The following FAM91A1 variants were observed in gnomAD, a reference collection of about 807,000 sequenced individuals.
The protein encoded by FAM91A1 is protein FAM91A1.
In FAM91A1, 41 loss-of-function variants were observed where a neutral mutation model predicts 113.5. The observed-to-expected ratio is 0.36, with a 90% CI of 0.28 to 0.47. The LOEUF (loss-of-function observed/expected upper bound fraction) is 0.47, where lower values mean the gene tolerates loss of function less well. Ranked by LOEUF, FAM91A1 falls within the 20% of genes least tolerant of loss-of-function variation. The pLI, the probability that FAM91A1 is intolerant of heterozygous loss-of-function variation, is 1.00. For missense variants in FAM91A1, 696 were observed against 1,001.2 expected (o/e 0.70, Z 4.11); for synonymous variants, 307 against 347.9 (o/e 0.88, Z 1.31).
chr8:123,774,344 C>G (rs778957590), intron 2 of FAM91A1, among the ~76,000 whole-genome samples, 180 bp downstream of exon 2: 7 of 152,068 alleles, frequency 4.6e-5, no homozygotes, highest in Non-Finnish European at 8.8e-5. Flanking sequence ...ATTTTTCATT[C>G]TAATTCTGAT....
chr8:123,780,131 C>G, intron 7 of FAM91A1, 56 bp downstream of exon 7: 1 of 1,422,866 alleles, frequency 7.0e-7, no homozygotes, highest in Non-Finnish European at 9.8e-7. Context: ...TTTAAACCAT[C>G]AATAATTACT....
intron 1 of FAM91A1, among the ~76,000 whole-genome samples, chr8:123,771,124 G>T (rs2130030220): frequency 6.6e-6 from 1 of 152,322 alleles, no homozygotes; most frequent in African/African-American, 2.4e-5. Flanking sequence ...CTGCTCCTGG[G>T]AGGTTTCCCT....
chr8:123,769,831 G>A (rs963964906), intron 1 of FAM91A1, among the ~76,000 whole-genome samples: 1 of 152,204 alleles, frequency 6.6e-6, no homozygotes, highest in East Asian at 1.9e-4. Context: ...ATTGACCTTC[G>A]CTTCCTCCCA....
intron 20 of FAM91A1, 75 bp from the exon 21 acceptor site, chr8:123,808,197 A>G (rs1815858113): frequency 6.1e-6 from 7 of 1,141,586 alleles, no homozygotes; most frequent in African/African-American, 4.7e-5. Context: ...AGTCTTTTCC[A>G]TGTTAGGACT....
At chr8:123,776,528 G>A (rs1253085963) in intron 3 of FAM91A1, among the ~76,000 whole-genome samples, 2 of 152,204 alleles carry the variant, frequency 1.3e-5, no homozygotes, top group Non-Finnish European at 2.9e-5. Flanking sequence ...AACCAGGGTA[G>A]CATAATGAAG....
chr8:123,803,253 G>A (rs1434250612), intron 18 of FAM91A1, among the ~76,000 whole-genome samples: 2 of 146,396 alleles, frequency 1.4e-5, no homozygotes, highest in Non-Finnish European at 3.0e-5. Flanking sequence ...TTTTTTTTTG[G>A]ATGGGGGCTA....
Position 123,805,309 on chromosome 8 carries a change from T to C in FAM91A1, c.1852T>C (p.Phe618Leu), listed in dbSNP as rs778814659. Residue 618 changes from phenylalanine to leucine, a missense_variant, in exon 19 of 24, where the codon TTT becomes CTT. By Grantham distance (22) the Phe-to-Leu change is conservative. Coordinates refer to ENST00000334705, the MANE Select transcript of FAM91A1 (RefSeq NM_144963.4). ...HGIGETVHVP[F>L]PFDETELQGE... ...GATAGGAGAAACTGTCCATGTCCCA[T>C]TTCCATTTGATGAAACAGAACTACA... 3 of 1,612,906 alleles carry C rather than the reference T, an allele frequency of 1.9e-6. No homozygotes were observed. The African/African-American group carries it at 4.0e-5, about 22-fold the overall frequency.
chr8:123,784,617 T>A lies in FAM91A1; in HGVS notation c.810+41T>A, dbSNP rs186286904. ...TCTCATGAAAATATAATCTCAAGAT[T>A]GTAAGTTTGTGTAAAGTAAGTAAAG... On this transcript the variant is annotated intron_variant, in intron 9 of 23. Coordinates refer to ENST00000334705, the MANE Select transcript of FAM91A1 (RefSeq NM_144963.4). 3.5e-6 allele frequency: 5 copies of A among 1,415,756 alleles called. No individual in the cohort carries two copies. The East Asian group carries it at 9.4e-5, about 27-fold the overall frequency. 87.7% of individuals were successfully genotyped at this position (1,415,756 alleles called of 1,614,324 possible).
intron 14 of FAM91A1, chr8:123,788,114 G>A: frequency 1.2e-6 from 1 of 853,906 alleles, no homozygotes. Context: ...TAAGCAGTTT[G>A]ATTTGAAGTT....
At chr8:123,801,170 A>T (rs1815670033) in intron 18 of FAM91A1, among the ~76,000 whole-genome samples, 1 of 152,158 alleles carries the variant, frequency 6.6e-6, no homozygotes, top group African/African-American at 2.4e-5. Context: ...TGGCTTTTTG[A>T]TGATAACCAC....
chr8:123,788,085 ACT>A, intron 14 of FAM91A1: 3 of 660,438 alleles, frequency 4.5e-6, no homozygotes, highest in Non-Finnish European at 5.6e-6. Context: ...TTCTGGTATG[ACT>A]CTCTAAGATC....
Position 123,777,367 on chromosome 8 carries a change from CTT to C in FAM91A1, c.367+47_367+48del, listed in dbSNP as rs779124785. 4.6e-6 allele frequency: 7 copies of C among 1,515,430 alleles called. No individual in the cohort carries two copies. The African/African-American group carries it at 9.7e-5, about 21-fold the overall frequency. The allele number at this position is 1,515,430 out of a possible 1,614,324, so 93.9% of individuals were successfully genotyped here. ...GAAGAAGGTAATGTTTAGGTTGTGTCTTTGTGCATCCTGTCATCTGTGAATAT... is the reference window on the plus strand; with the variant it reads ...GAAGAAGGTAATGTTTAGGTTGTGTCTGTGCATCCTGTCATCTGTGAATAT... On this transcript the variant is annotated intron_variant, in intron 4 of 23. Transcript: ENST00000334705.
At chr8:123,797,305 A>G (rs1815549500) in intron 15 of FAM91A1, among the ~76,000 whole-genome samples, 1 of 152,172 alleles carries the variant, frequency 6.6e-6, no homozygotes, top group South Asian at 2.1e-4. Flanking sequence ...ATGGCGGAAG[A>G]AGGATTGGTA....
At chr8:123,782,912 G>A (rs1223064987) in intron 8 of FAM91A1, among the ~76,000 whole-genome samples, 1 of 152,122 alleles carries the variant, frequency 6.6e-6, no homozygotes, top group Non-Finnish European at 1.5e-5. Context: ...GCTCACACCT[G>A]TAATCCCAGT....
At chr8:123,785,877 G>T (rs138348178) in intron 11 of FAM91A1, 136 bp downstream of exon 11, 110 of 552,632 alleles carry the variant, frequency 2.0e-4, no homozygotes, top group African/African-American at 1.8e-3. Context: ...GAGTGCGGTG[G>T]CGCGATCTCG....
In FAM91A1 at chr8:123,786,669, A is replaced by T; in HGVS notation, c.1078+59A>T. On this transcript the variant is annotated intron_variant, in intron 12 of 23. Coordinates refer to ENST00000334705, the MANE Select transcript of FAM91A1 (RefSeq NM_144963.4). ...CTGTAGGTACGGCACATGTCCAAAC[A>T]TACACTCTTACAGTTACCTTCTAAT... 5.8e-6 allele frequency: 7 copies of T among 1,214,932 alleles called. No individual in the cohort carries two copies. The Admixed American group carries it at 1.0e-4, about 18-fold the overall frequency. 75.3% of individuals were successfully genotyped at this position (1,214,932 alleles called of 1,614,324 possible). A position where few individuals can be genotyped will look rare whatever the true frequency, so the allele number is the denominator to read the frequency against.
intron 14 of FAM91A1, chr8:123,788,170 T>A (rs1370848658): frequency 1.0e-6 from 1 of 983,980 alleles, no homozygotes; most frequent in Non-Finnish European, 1.2e-6. Flanking sequence ...CTGGGTATCA[T>A]ATTTATGTCC....
chr8:123,779,232 A>G (rs1020463036), intron 6 of FAM91A1, among the ~76,000 whole-genome samples: 1 of 152,210 alleles, frequency 6.6e-6, no homozygotes. Context: ...GTAACAGCTC[A>G]TGTCTTAGTG....
At chr8:123,804,533 C>G (rs534018653) in intron 18 of FAM91A1, among the ~76,000 whole-genome samples, 2 of 132,576 alleles carry the variant, frequency 1.5e-5, no homozygotes, top group African/African-American at 2.8e-5. Flanking sequence ...AGGTATAGGT[C>G]GAAAAGTATC....
Sources: gnomAD v4.1 joint callset for allele counts (sites outside exome capture counted in the v4.1 genomes callset) on GRCh38, gnomAD v4.1.1 for gene constraint, MANE v1.5 for transcripts, NCBI Gene and HGNC (gene_info 2026-07-23, HGNC 2026-07-21) for gene names.